Variants in ITGB5 observed in about 807,000 individuals in gnomAD.
The protein encoded by ITGB5 is integrin beta-5.
In ITGB5, 38 loss-of-function variants were observed where a neutral mutation model predicts 84.8. The ratio of observed to expected loss-of-function variants is 0.45; its 90% CI spans 0.35 to 0.59. The LOEUF (loss-of-function observed/expected upper bound fraction) is 0.59, where lower values mean the gene tolerates loss of function less well. ITGB5 is among the 20% of genes least tolerant of loss of function. ITGB5 has a pLI of 0.01. For missense variants in ITGB5, 905 were observed against 1,034.5 expected (o/e 0.87, Z 1.72); for synonymous variants, 393 against 414.4 (o/e 0.95, Z 0.63).
chr3:124,776,339 C>G (rs948400246), intron 10 of ITGB5, among the ~76,000 whole-genome samples: 23 of 152,246 alleles, frequency 1.5e-4, no homozygotes, highest in African/African-American at 5.3e-4. Flanking sequence ...ATCCACACAA[C>G]TCCCTCACCC....
chr3:124,796,695 C>A lies in ITGB5; in HGVS notation c.1386G>T (p.Thr462=), dbSNP rs775683311. ...SLEVGVTYNC[T]CGCSVGLEPN... ...GTTCCAGCCCCACGCTGCAGCCGCACGTGCAGTTGTAGGTGACCCCCACCT... is the reference window on the plus strand; with the variant it reads ...GTTCCAGCCCCACGCTGCAGCCGCAAGTGCAGTTGTAGGTGACCCCCACCT... Residue 462 remains threonine (T), a synonymous_variant, in exon 10 of 15, where the codon ACG becomes ACT. Coordinates refer to ENST00000296181, the MANE Select transcript of ITGB5 (RefSeq NM_002213.5). 3 of 1,614,098 alleles carry A rather than the reference C, an allele frequency of 1.9e-6. No homozygotes were observed. In the South Asian group the frequency reaches 3.3e-5, roughly 18 times the overall value.
At position 124,810,327 on chromosome 3, in the gene ITGB5, A is replaced by AT. The variant is rs200704682; in HGVS notation, c.1129-1172dup. Among the ~76,000 whole-genome samples the AT allele has an allele frequency of 7.1e-3, 1,089 of 152,324 alleles. 11 individuals are homozygous for AT. The highest frequency in any genetic ancestry group is 0.024 in the African/African-American group (981 of 41,566). On this transcript the variant is annotated intron_variant, in intron 8 of 14. Coordinates refer to ENST00000296181, the MANE Select transcript of ITGB5 (RefSeq NM_002213.5). The stretch of plus-strand genomic sequence containing the variant: ...TAATGGTTGCCCTTGAGGGATTGCG[A>AT]TGGAAGAGGGCAGAATAGGGACTTC...
intron 5 of ITGB5, among the ~76,000 whole-genome samples, chr3:124,834,287 T>G (rs1462898083): frequency 6.6e-6 from 1 of 151,734 alleles, no homozygotes; most frequent in Non-Finnish European, 1.5e-5. Flanking sequence ...CACACTGATG[T>G]GGAATGCTGA....
At chr3:124,853,266 G>C (rs1222786349) in intron 3 of ITGB5, among the ~76,000 whole-genome samples, 1 of 152,182 alleles carries the variant, frequency 6.6e-6, no homozygotes, top group African/African-American at 2.4e-5. Context: ...TAAGGCCCTG[G>C]TGCACACATT....
At chr3:124,830,529 AAC>A (rs2064845493) in intron 5 of ITGB5, among the ~76,000 whole-genome samples, 1 of 152,188 alleles carries the variant, frequency 6.6e-6, no homozygotes, top group Non-Finnish European at 1.5e-5. Flanking sequence ...TGTGTAGAAA[AAC>A]AGAGAAAACA....
chr3:124,785,217 C>T (rs183238565), intron 10 of ITGB5, among the ~76,000 whole-genome samples: 1 of 152,310 alleles, frequency 6.6e-6, no homozygotes, highest in Admixed American at 6.5e-5. Flanking sequence ...ACACCAATCT[C>T]CTGGCACAGT....
Position 124,817,214 on chromosome 3 carries a change from G to A in ITGB5, c.1128+407C>T, listed in dbSNP as rs571293793. 5.1e-4 allele frequency among the ~76,000 whole-genome samples: 78 copies of A among 152,204 alleles called. 1 individual carries two copies. Among genetic ancestry groups the A allele is most frequent in the Non-Finnish European group, 5.0e-4 (34 of 68,040 alleles). ...GCGAACTTTTCACTTCTTGCAGTGT[G>A]GTCCTGTGGCTGGTGGATGCTCTGC... On this transcript the variant is annotated intron_variant, in intron 8 of 14. Transcript: ENST00000296181.
intron 2 of ITGB5, among the ~76,000 whole-genome samples, chr3:124,869,067 A>G (rs957233806): frequency 2.6e-5 from 4 of 152,174 alleles, no homozygotes; most frequent in African/African-American, 9.7e-5. Flanking sequence ...GTAAGTCTTC[A>G]TGGGATCTGG....
intron 5 of ITGB5, among the ~76,000 whole-genome samples, chr3:124,826,816 A>C (rs2064790323): frequency 6.6e-6 from 1 of 152,246 alleles, no homozygotes; most frequent in Non-Finnish European, 1.5e-5. Flanking sequence ...ATGGCTCAGC[A>C]TAAGAATAAT....
intron 8 of ITGB5, among the ~76,000 whole-genome samples, chr3:124,811,083 A>C (rs750755596): frequency 6.6e-6 from 1 of 152,234 alleles, no homozygotes; most frequent in Non-Finnish European, 1.5e-5. Flanking sequence ...AACTCTAAAA[A>C]TATGATCCGT....
chr3:124,796,329 G>T, intron 10 of ITGB5, 59 bp downstream of exon 10: 1 of 1,445,306 alleles, frequency 6.9e-7, no homozygotes, highest in South Asian at 1.3e-5. Flanking sequence ...GCTTTGGGAG[G>T]GTGTCCTAAC....
chr3:124,769,787 A>G (rs188451526), intron 11 of ITGB5: 1 of 152,102 alleles, frequency 6.6e-6, no homozygotes, highest in South Asian at 2.1e-4. Flanking sequence ...CTTACCCACG[A>G]ATCAGTCTAC....
intron 8 of ITGB5, 143 bp downstream of exon 8, chr3:124,817,478 A>G: frequency 1.8e-6 from 1 of 559,358 alleles, no homozygotes; most frequent in Non-Finnish European, 3.1e-6. Flanking sequence ...AGCAGGAAGA[A>G]GATACCAAAC....
intron 1 of ITGB5, among the ~76,000 whole-genome samples, chr3:124,895,271 G>A (rs1442049929): frequency 6.6e-6 from 1 of 152,208 alleles, no homozygotes; most frequent in Non-Finnish European, 1.5e-5. Context: ...CTGTTGCCCA[G>A]GTTGGAGTGC....
chr3:124,770,554 T>C (rs2063826596), intron 11 of ITGB5, among the ~76,000 whole-genome samples: 1 of 152,192 alleles, frequency 6.6e-6, no homozygotes, highest in Non-Finnish European at 1.5e-5. Context: ...GTGCAGAAAC[T>C]GCGAAGTGGA....
At chr3:124,869,834 G>A (rs1217518138) in intron 2 of ITGB5, among the ~76,000 whole-genome samples, 1 of 152,160 alleles carries the variant, frequency 6.6e-6, no homozygotes, top group Non-Finnish European at 1.5e-5. Flanking sequence ...TCAGCATCAG[G>A]AAGTCTGACT....
At chr3:124,774,330 C>T (rs1040871462) in intron 10 of ITGB5, among the ~76,000 whole-genome samples, 19 of 152,148 alleles carry the variant, frequency 1.2e-4, no homozygotes, top group African/African-American at 4.1e-4. Flanking sequence ...GAGGGATTCT[C>T]CTGGATTGTC....
intron 12 of ITGB5, 32 bp downstream of exon 12, chr3:124,768,981 C>T (rs766306778): frequency 2.0e-5 from 32 of 1,563,746 alleles, no homozygotes; most frequent in Middle Eastern, 2.1e-4. Flanking sequence ...GGAGAAAAAC[C>T]GTGACTGCCC....
chr3:124,787,559 G>A (rs1170899233), intron 10 of ITGB5: 1 of 152,194 alleles, frequency 6.6e-6, no homozygotes, highest in Admixed American at 6.5e-5. Context: ...TATATCCCTG[G>A]CAGCCAGTAC....
Sources: allele counts gnomAD v4.1 joint callset (sites outside exome capture counted in the v4.1 genomes callset), GRCh38; gene constraint gnomAD v4.1.1; transcripts MANE v1.5; gene names NCBI Gene and HGNC (gene_info 2026-07-23, HGNC 2026-07-21).